FRMD4B: variants seen among roughly 807,000 people sequenced by gnomAD.
FRMD4B encodes FERM domain-containing protein 4B.
A neutral mutation model predicts 141.5 loss-of-function variants in FRMD4B; 74 were observed. The observed-to-expected ratio is 0.52, with a 90% CI of 0.43 to 0.63. The LOEUF (loss-of-function observed/expected upper bound fraction) is 0.63. FRMD4B is among the 30% of genes least tolerant of loss of function. FRMD4B has a pLI of 0.00. For missense variants in FRMD4B, 1,366 were observed against 1,253.4 expected, an observed-to-expected ratio of 1.09 and a Z score of -1.36; for synonymous variants, 506 against 467.9, an observed-to-expected ratio of 1.08 and a Z score of -1.05.
At chr3:69,235,737 G>T (rs190679675) in intron 7 of FRMD4B, among the ~76,000 whole-genome samples, 12 of 152,050 alleles carry the variant, frequency 7.9e-5, no homozygotes, top group Non-Finnish European at 5.9e-5. Context: ...TTACCAGGTG[G>T]CAGAGAGTGG....
intron 1 of FRMD4B, among the ~76,000 whole-genome samples, chr3:69,512,697 ATGAACACAGCTGATTGCAAAG>A (rs2107104964): frequency 1.3e-5 from 2 of 152,344 alleles, no homozygotes; most frequent in East Asian, 3.9e-4. Flanking sequence ...ACTCAGACAC[ATGAACACAGCTGATTGCAAAG>A]TAAGCTAGGG....
chr3:69,213,928 T>C (rs182556624), intron 11 of FRMD4B, among the ~76,000 whole-genome samples: 398 of 152,154 alleles, frequency 2.6e-3, no homozygotes, highest in Non-Finnish European at 4.7e-3. Context: ...TCCTCCCATC[T>C]TGACCTCCAA....
At chr3:69,314,822 G>A (rs1363177095) in intron 1 of FRMD4B, among the ~76,000 whole-genome samples, 5 of 151,992 alleles carry the variant, frequency 3.3e-5, no homozygotes, top group African/African-American at 1.2e-4. Flanking sequence ...GTGACACAGA[G>A]AGACACTTTT....
At chr3:69,286,607 T>C (rs565308640) in intron 5 of FRMD4B, among the ~76,000 whole-genome samples, 1 of 120,020 alleles carries the variant, frequency 8.3e-6, no homozygotes, top group East Asian at 2.4e-4. Context: ...ACAGTCTGGA[T>C]AGGGAATTCT....
At chr3:69,407,328 C>A (rs751321552) in intron 2 of FRMD4B, among the ~76,000 whole-genome samples, 2 of 152,034 alleles carry the variant, frequency 1.3e-5, no homozygotes. Flanking sequence ...TAAAGGCGAG[C>A]GTTAGATGGG....
At chr3:69,211,022 C>CAAA (rs1559720205) in intron 11 of FRMD4B, among the ~76,000 whole-genome samples, 1 of 3,362 alleles carries the variant, frequency 3.0e-4, no homozygotes, top group African/African-American at 5.9e-4. Context: ...AATGCCATCT[C>CAAA]GAAAAAAAAA....
At chr3:69,457,056 G>A (rs1874919) in intron 1 of FRMD4B, among the ~76,000 whole-genome samples, 47,211 of 151,916 alleles carry the variant, frequency 0.31, 7,460 homozygotes, top group East Asian at 0.53. Flanking sequence ...GTGTGTGTGT[G>A]TATATTTAAC....
intron 7 of FRMD4B, among the ~76,000 whole-genome samples, chr3:69,235,587 A>T (rs567265007): frequency 8.3e-4 from 126 of 152,062 alleles, no homozygotes; most frequent in African/African-American, 2.9e-3. Flanking sequence ...TGAGCCTGGG[A>T]GGCGGAGGTT....
At chr3:69,252,844 C>T (rs143341362) in intron 5 of FRMD4B, among the ~76,000 whole-genome samples, 12 of 152,126 alleles carry the variant, frequency 7.9e-5, no homozygotes, top group Admixed American at 3.3e-4. Context: ...AGAGAGGTAA[C>T]GGGACACTTC....
intron 1 of FRMD4B, among the ~76,000 whole-genome samples, chr3:69,534,989 AT>A (rs987849443): frequency 7.2e-5 from 11 of 152,156 alleles, no homozygotes; most frequent in East Asian, 3.9e-4. Context: ...AATAGCTAGA[AT>A]TTTTTTTAGT....
At chr3:69,200,497 T>A in intron 11 of FRMD4B, 1 of 989,326 alleles carries the variant, frequency 1.0e-6, no homozygotes, top group African/African-American at 1.8e-5. Flanking sequence ...AGACGGCAGC[T>A]CCGGTGAGTT....
At chr3:69,240,733 A>C (rs1366319166) in intron 7 of FRMD4B, among the ~76,000 whole-genome samples, 1 of 152,174 alleles carries the variant, frequency 6.6e-6, no homozygotes, top group African/African-American at 2.4e-5. Context: ...CCATCTGAAC[A>C]CAGATAAGAA....
chr3:69,386,026 C>T lies in FRMD4B; in HGVS notation c.-37G>A, dbSNP rs1704245418. On this transcript the variant is annotated 5_prime_UTR_variant, in exon 1 of 23. Transcript: ENST00000398540. ...CGCTCTGAACCCGGGCGTCCCGGCT[C>T]TCGTACGTGCAGCCCCGACCCCAGC... 6.6e-7 allele frequency: 1 copy of T among 1,526,664 alleles called. No individual in the cohort carries two copies. The highest frequency in any genetic ancestry group is 1.9e-5 in the Admixed American group (1 of 52,340). 94.6% of individuals were successfully genotyped at this position (1,526,664 alleles called of 1,614,324 possible).
chr3:69,203,144 T>C (rs2092986714), intron 11 of FRMD4B, among the ~76,000 whole-genome samples: 1 of 151,630 alleles, frequency 6.6e-6, no homozygotes, highest in Non-Finnish European at 1.5e-5. Flanking sequence ...TTACAGTTTA[T>C]TTAATGAAAT....
At chr3:69,366,060 AAC>A (rs4063529) in intron 1 of FRMD4B, among the ~76,000 whole-genome samples, 20,631 of 126,866 alleles carry the variant, frequency 0.16, 1,751 homozygotes, top group East Asian at 0.47. Flanking sequence ...ACCTCTACAA[AAC>A]ACACACACAC....
chr3:69,265,269 AATATATATATATATAT>A (rs1175250592), intron 5 of FRMD4B, among the ~76,000 whole-genome samples: 2,174 of 23,348 alleles, frequency 0.093, 367 homozygotes, highest in African/African-American at 0.11. Flanking sequence ...AAAAAAAAAA[AATATATATATATATAT>A]ATATATATAT....
intron 4 of FRMD4B, among the ~76,000 whole-genome samples, chr3:69,290,972 A>G (rs193085716): frequency 2.6e-4 from 39 of 152,326 alleles, no homozygotes; most frequent in Non-Finnish European, 5.0e-4. Flanking sequence ...AAAATAGCAG[A>G]AAAATAAGAC....
chr3:69,499,391 G>T (rs901654846), intron 1 of FRMD4B, among the ~76,000 whole-genome samples: 2 of 152,058 alleles, frequency 1.3e-5, no homozygotes, highest in Non-Finnish European at 2.9e-5. Context: ...GAGGAGAAAG[G>T]CTGTTGGTTT....
intron 3 of FRMD4B, among the ~76,000 whole-genome samples, chr3:69,306,902 A>T (rs1039982955): frequency 2.0e-5 from 3 of 152,190 alleles, no homozygotes; most frequent in Admixed American, 6.5e-5. Context: ...GTGCTGAAAG[A>T]AAATACTTTC....
Sources: gnomAD v4.1 joint callset for allele counts (sites outside exome capture counted in the v4.1 genomes callset) on GRCh38, gnomAD v4.1.1 for gene constraint, MANE v1.5 for transcripts, NCBI Gene and HGNC (gene_info 2026-07-23, HGNC 2026-07-21) for gene names.